Variants in CCDC102B observed in about 807,000 individuals in gnomAD.
The protein encoded by CCDC102B is coiled-coil domain containing 102B, also known as coiled-coil domain-containing protein 102B.
CCDC102B carries 75 observed loss-of-function variants against 57.4 expected under a neutral mutation model. The observed-to-expected ratio is 1.31, with a 90% CI of 1.08 to 1.58. The LOEUF is 1.58. CCDC102B is among the 40% of genes most tolerant of loss of function. The pLI is 0.00. For missense variants in CCDC102B, 636 were observed against 582.6 expected (o/e 1.09, Z -0.94); for synonymous variants, 206 against 201.9 (o/e 1.02, Z -0.17).
In CCDC102B at chr18:68,967,679, A is replaced by G. The variant is rs143502363; in HGVS notation, c.1264-43255A>G. ...AAGATGTATGATTTCTGGTTATGAA[A>G]CGTTTATGTATAAATATGATCAAAT... On this transcript the variant is annotated intron_variant, in intron 6 of 7. Coordinates refer to ENST00000360242, the MANE Select transcript of CCDC102B (RefSeq NM_024781.3). 2.6e-3 allele frequency among the ~76,000 whole-genome samples: 389 copies of G among 152,258 alleles called. 1 individual carries two copies. Among genetic ancestry groups the G allele is most frequent in the African/African-American group, 8.7e-3 (360 of 41,568 alleles).
chr18:68,886,012 A>G (rs2039871289), intron 5 of CCDC102B, among the ~76,000 whole-genome samples: 1 of 152,100 alleles, frequency 6.6e-6, no homozygotes, highest in Non-Finnish European at 1.5e-5. Flanking sequence ...TAATAGCAAA[A>G]TAAATGCAAT....
At chr18:68,815,404 T>C (rs1221456612) in intron 1 of CCDC102B, among the ~76,000 whole-genome samples, 1 of 152,236 alleles carries the variant, frequency 6.6e-6, no homozygotes, top group African/African-American at 2.4e-5. Flanking sequence ...AATTGAATTA[T>C]AGAATTAGTT....
At chr18:68,808,389 A>G (rs1225572467) in intron 1 of CCDC102B, among the ~76,000 whole-genome samples, 1 of 149,414 alleles carries the variant, frequency 6.7e-6, no homozygotes, top group African/African-American at 2.5e-5. Flanking sequence ...ACTTGCATGT[A>G]TTAATATTTC....
chr18:69,022,223 A>ATATATATATATATATAT (rs1160074383), intron 7 of CCDC102B, among the ~76,000 whole-genome samples: 4 of 100,544 alleles, frequency 4.0e-5, no homozygotes, highest in African/African-American at 1.7e-4. Flanking sequence ...ATATATATAT[A>ATATATATATATATATAT]ACACACACAC....
At chr18:68,789,302 T>C (rs1294880772) in intron 2 of CCDC102B, among the ~76,000 whole-genome samples, 2 of 152,072 alleles carry the variant, frequency 1.3e-5, no homozygotes, top group African/African-American at 4.8e-5. Flanking sequence ...CTGACAATTA[T>C]GTGTCTTGGA....
At chr18:69,044,752 G>A (rs1022251475) in intron 7 of CCDC102B, among the ~76,000 whole-genome samples, 1 of 152,160 alleles carries the variant, frequency 6.6e-6, no homozygotes, top group African/African-American at 2.4e-5. Context: ...TGGGAACCAC[G>A]TTTGGGATCT....
intron 6 of CCDC102B, among the ~76,000 whole-genome samples, chr18:68,930,640 C>A (rs1230892022): frequency 6.6e-6 from 1 of 151,906 alleles, no homozygotes; most frequent in Non-Finnish European, 1.5e-5. Flanking sequence ...ATACTCTTCA[C>A]AAAGCCAGCA....
chr18:68,790,139 CTCAGGGG>C (rs934634430), intron 2 of CCDC102B, among the ~76,000 whole-genome samples: 1 of 150,234 alleles, frequency 6.7e-6, no homozygotes, highest in East Asian at 2.0e-4. Context: ...AGTTAGGCTG[CTCAGGGG>C]TCAGGGGTCA....
At chr18:68,983,834 G>A (rs1234912166) in intron 6 of CCDC102B, among the ~76,000 whole-genome samples, 1 of 151,968 alleles carries the variant, frequency 6.6e-6, no homozygotes, top group Admixed American at 6.6e-5. Flanking sequence ...ATTGAATGAA[G>A]CTGGTCTCAT....
chr18:68,856,439 T>G (rs1190038832), intron 4 of CCDC102B, among the ~76,000 whole-genome samples: 1 of 152,108 alleles, frequency 6.6e-6, no homozygotes, highest in African/African-American at 2.4e-5. Context: ...TACAGGCATG[T>G]ACCACCACAA....
At chr18:68,893,329 G>A (rs77998208) in intron 5 of CCDC102B, among the ~76,000 whole-genome samples, 1 of 152,100 alleles carries the variant, frequency 6.6e-6, no homozygotes, top group Non-Finnish European at 1.5e-5. Context: ...TCATCTGTAG[G>A]TTATTTTATT....
At chr18:69,019,034 T>G (rs2051751333) in intron 7 of CCDC102B, among the ~76,000 whole-genome samples, 1 of 152,114 alleles carries the variant, frequency 6.6e-6, no homozygotes, top group Non-Finnish European at 1.5e-5. Context: ...TCTCAAAAAT[T>G]AGATGACCAT....
intron 2 of CCDC102B, among the ~76,000 whole-genome samples, chr18:68,739,020 G>GTTTTTTTTT (rs1242424788): frequency 8.4e-6 from 1 of 119,684 alleles, no homozygotes; most frequent in African/African-American, 3.8e-5. Context: ...TTTAGACCAG[G>GTTTTTTTTT]TCTTGCTGTC....
intron 1 of CCDC102B, among the ~76,000 whole-genome samples, chr18:68,819,666 A>G (rs1471271700): frequency 6.6e-6 from 1 of 152,040 alleles, no homozygotes; most frequent in African/African-American, 2.4e-5. Flanking sequence ...TTTATGCATA[A>G]ATGTCATCCT....
chr18:69,050,316 T>G (rs73457742), intron 7 of CCDC102B, among the ~76,000 whole-genome samples: 7,622 of 152,258 alleles, frequency 0.05, 660 homozygotes, highest in African/African-American at 0.17. Context: ...GAATCTATCA[T>G]TTCTGCTTCA....
In CCDC102B at chr18:68,899,601, T is replaced by G. The variant is rs143019072; in HGVS notation, c.1263+2173T>G. Among the ~76,000 whole-genome samples, 44 of 152,170 alleles carry G rather than the reference T, an allele frequency of 2.9e-4. No individual in the cohort carries two copies. The East Asian group carries it at 8.1e-3, about 28-fold the overall frequency. On this transcript the variant is annotated intron_variant, in intron 6 of 7. Coordinates refer to ENST00000360242, the MANE Select transcript of CCDC102B (RefSeq NM_024781.3). The stretch of plus-strand genomic sequence containing the variant: ...TATAAGATTTCTTTAGAAAGATCTC[T>G]TACTACATGACATTTGCATTTAAAT...
At chr18:68,730,511 C>T (rs2032809597) in intron 2 of CCDC102B, among the ~76,000 whole-genome samples, 1 of 152,088 alleles carries the variant, frequency 6.6e-6, no homozygotes, top group African/African-American at 2.4e-5. Flanking sequence ...TTCATAATTT[C>T]AACAGTGTGA....
rs76734043 is a variant in CCDC102B at position 68,853,731 on chromosome 18, T to A, written c.936+7310T>A. Reference sequence around the variant, plus strand: ...GACTCAATGAAACCTTTATATATGGTCCTCTGCATTCCTTTAGGTTAACCC... The same window carrying A: ...GACTCAATGAAACCTTTATATATGGACCTCTGCATTCCTTTAGGTTAACCC... On this transcript the variant is annotated intron_variant, in intron 4 of 7. Coordinates refer to ENST00000360242, the MANE Select transcript of CCDC102B (RefSeq NM_024781.3). 0.011 allele frequency among the ~76,000 whole-genome samples: 1,585 copies of A among 142,046 alleles called. 95 individuals carry two copies. In the East Asian group the frequency reaches 0.15, roughly 14 times the overall value. 93.2% of individuals were successfully genotyped at this position (142,046 alleles called of 152,430 possible).
intron 7 of CCDC102B, among the ~76,000 whole-genome samples, chr18:69,034,896 C>T (rs528509451): frequency 1.9e-4 from 29 of 151,776 alleles, no homozygotes; most frequent in Admixed American, 3.9e-4. Context: ...TTTATCATTT[C>T]GGTCACTGTA....
Sources: allele counts gnomAD v4.1 joint callset (sites outside exome capture counted in the v4.1 genomes callset), GRCh38; gene constraint gnomAD v4.1.1; transcripts MANE v1.5; gene names NCBI Gene and HGNC (gene_info 2026-07-23, HGNC 2026-07-21).